MPPED2: variants seen among roughly 807,000 people sequenced by gnomAD.
The protein encoded by MPPED2 is metallophosphoesterase MPPED2.
In MPPED2, 5 loss-of-function variants were observed where a neutral mutation model predicts 33.0. The observed-to-expected ratio is 0.15, with a 90% CI of 0.08 to 0.32. MPPED2 has a LOEUF of 0.32. Among genes scored for constraint, MPPED2 ranks in the 10% least tolerant of loss-of-function variants. The pLI is 1.00. For missense variants in MPPED2, 275 were observed against 372.1 expected, an observed-to-expected ratio of 0.74 and a Z score of 2.15; for synonymous variants, 136 against 141.9, an observed-to-expected ratio of 0.96 and a Z score of 0.29.
intron 1 of MPPED2, among the ~76,000 whole-genome samples, chr11:30,585,515 C>T (rs1487398571): frequency 6.6e-6 from 1 of 152,100 alleles, no homozygotes; most frequent in African/African-American, 2.4e-5. Context: ...GCACCCAGGC[C>T]TAGGCCGGGG....
At chr11:30,554,174 C>A (rs895714966) in intron 2 of MPPED2, among the ~76,000 whole-genome samples, 9 of 152,190 alleles carry the variant, frequency 5.9e-5, no homozygotes, top group African/African-American at 2.2e-4. Context: ...CAACTTTATG[C>A]CCATCACTCA....
intron 4 of MPPED2, among the ~76,000 whole-genome samples, chr11:30,476,510 T>C (rs897444204): frequency 2.0e-5 from 3 of 152,016 alleles, no homozygotes; most frequent in African/African-American, 7.2e-5. Context: ...AAGACTACTG[T>C]TTCCTCATTA....
intron 4 of MPPED2, among the ~76,000 whole-genome samples, chr11:30,440,637 G>T (rs2133894560): frequency 6.6e-6 from 1 of 152,316 alleles, no homozygotes; most frequent in South Asian, 2.1e-4. Context: ...AGCAAAACTG[G>T]TAGTGCCAGG....
At chr11:30,466,020 G>A (rs1950692450) in intron 4 of MPPED2, among the ~76,000 whole-genome samples, 1 of 152,194 alleles carries the variant, frequency 6.6e-6, no homozygotes, top group African/African-American at 2.4e-5. Flanking sequence ...CCTGTGCACA[G>A]CACTTCTCAG....
chr11:30,424,829 T>A (rs949566156), intron 4 of MPPED2, among the ~76,000 whole-genome samples: 1 of 152,122 alleles, frequency 6.6e-6, no homozygotes, highest in African/African-American at 2.4e-5. Flanking sequence ...ACAGAGCAAC[T>A]TCACACCTTG....
intron 4 of MPPED2, among the ~76,000 whole-genome samples, chr11:30,471,397 C>T (rs148183726): frequency 2.0e-5 from 3 of 152,192 alleles, no homozygotes; most frequent in African/African-American, 4.8e-5. Flanking sequence ...CTCTCTCACC[C>T]GGCACATGAG....
intron 3 of MPPED2, among the ~76,000 whole-genome samples, chr11:30,533,648 G>T (rs1954656028): frequency 6.6e-6 from 1 of 152,030 alleles, no homozygotes; most frequent in Admixed American, 6.6e-5. Context: ...GGTTGCCTGG[G>T]TAACAGTGAG....
chr11:30,398,696 A>G (rs1002332823), intron 6 of MPPED2, among the ~76,000 whole-genome samples: 1 of 152,128 alleles, frequency 6.6e-6, no homozygotes, highest in Non-Finnish European at 1.5e-5. Context: ...CTTGCAATCA[A>G]ACATCACCCA....
At chr11:30,466,924 T>C (rs1950732772) in intron 4 of MPPED2, among the ~76,000 whole-genome samples, 2 of 152,178 alleles carry the variant, frequency 1.3e-5, no homozygotes, top group South Asian at 4.1e-4. Flanking sequence ...CTTCTGAGCC[T>C]CTGAATTGAA....
chr11:30,525,993 T>G (rs1954149869), intron 3 of MPPED2, among the ~76,000 whole-genome samples: 1 of 152,196 alleles, frequency 6.6e-6, no homozygotes, highest in Non-Finnish European at 1.5e-5. Context: ...ATGCTGTGTT[T>G]GGGTTCATTA....
chr11:30,500,097 A>C (rs917462985), intron 3 of MPPED2, among the ~76,000 whole-genome samples: 7 of 152,144 alleles, frequency 4.6e-5, no homozygotes, highest in African/African-American at 7.2e-5. Flanking sequence ...GGTTACTCAA[A>C]AATTACTCAA....
At chr11:30,427,106 T>C (rs57728968) in intron 4 of MPPED2, among the ~76,000 whole-genome samples, 2 of 152,200 alleles carry the variant, frequency 1.3e-5, no homozygotes, top group Admixed American at 6.5e-5. Context: ...CCTTTAGACA[T>C]GTCACGGCAA....
chr11:30,510,585 A>G (rs1953113203), intron 3 of MPPED2, among the ~76,000 whole-genome samples: 1 of 152,156 alleles, frequency 6.6e-6, no homozygotes, highest in Non-Finnish European at 1.5e-5. Flanking sequence ...TCATTTCTAC[A>G]TGTCTCTAAC....
At chr11:30,519,682 C>T (rs1235240594) in intron 3 of MPPED2, among the ~76,000 whole-genome samples, 2 of 151,974 alleles carry the variant, frequency 1.3e-5, no homozygotes, top group African/African-American at 4.8e-5. Flanking sequence ...AATGAAAATA[C>T]TAAAATATCA....
intron 4 of MPPED2, chr11:30,452,067 A>T (rs896411984): frequency 1.0e-4 from 100 of 985,308 alleles, no homozygotes; most frequent in Non-Finnish European, 1.2e-4. Context: ...AAGCCACCTC[A>T]GCTTCACTTG....
intron 3 of MPPED2, among the ~76,000 whole-genome samples, chr11:30,530,237 G>A (rs1565157168): frequency 1.3e-5 from 2 of 152,198 alleles, no homozygotes; most frequent in African/African-American, 2.4e-5. Flanking sequence ...AAAAAGGAAG[G>A]GGAGGGAAGG....
intron 4 of MPPED2, 39 bp downstream of exon 4, chr11:30,495,257 T>C (rs1952199189): frequency 6.9e-7 from 1 of 1,449,872 alleles, no homozygotes; most frequent in Admixed American, 1.7e-5. Flanking sequence ...GGTACTGAGC[T>C]AAAAAGCAAT....
intron 4 of MPPED2, among the ~76,000 whole-genome samples, chr11:30,426,002 C>A (rs1347661531): frequency 6.6e-6 from 1 of 152,132 alleles, no homozygotes; most frequent in Non-Finnish European, 1.5e-5. Context: ...CCATTTTAAC[C>A]ACTTTTAAGC....
At chr11:30,508,047 T>G (rs1206192400) in intron 3 of MPPED2, among the ~76,000 whole-genome samples, 1 of 152,196 alleles carries the variant, frequency 6.6e-6, no homozygotes, top group African/African-American at 2.4e-5. Flanking sequence ...AAGAGATAAA[T>G]TTACACTGTC....
Sources: gnomAD v4.1 joint callset for allele counts (sites outside exome capture counted in the v4.1 genomes callset) on GRCh38, gnomAD v4.1.1 for gene constraint, MANE v1.5 for transcripts, NCBI Gene and HGNC (gene_info 2026-07-23, HGNC 2026-07-21) for gene names.